SIRT1: variants seen among roughly 807,000 people sequenced by gnomAD.
The protein encoded by SIRT1 is NAD-dependent protein deacetylase sirtuin-1.
SIRT1 carries 24 observed loss-of-function variants against 67.9 expected under a neutral mutation model. That is an observed-to-expected ratio of 0.35 (90% CI 0.26 to 0.50). The LOEUF is 0.50. Among genes scored for constraint, SIRT1 ranks in the 20% least tolerant of loss-of-function variants. SIRT1 has a pLI of 0.98. For missense variants in SIRT1, 873 were observed against 937.2 expected (o/e 0.93, Z 0.89); for synonymous variants, 378 against 350.7 (o/e 1.08, Z -0.87).
chr10:67,901,854 A>T (rs943224543), intron 4 of SIRT1, among the ~76,000 whole-genome samples: 1 of 152,260 alleles, frequency 6.6e-6, no homozygotes, highest in African/African-American at 2.4e-5. Flanking sequence ...GTGGTGTACA[A>T]CATGATGTTT....
Position 67,889,214 on chromosome 10 carries a change from T to C in SIRT1, c.789+91T>C. 3 of 1,389,678 alleles carry C rather than the reference T, an allele frequency of 2.2e-6. 1 individual carries two copies. The African/African-American group carries it at 4.3e-5, about 20-fold the overall frequency. The allele number at this position is 1,389,678 out of a possible 1,614,324, so 86.1% of individuals were successfully genotyped here. A position where few individuals can be genotyped will look rare whatever the true frequency, so the allele number is the denominator to read the frequency against. The stretch of plus-strand genomic sequence containing the variant: ...CATTTTTCTGGTTTAGAAGGATTTA[T>C]CCTTACATGATAATGGATGTTTGGG... On this transcript the variant is annotated intron_variant, in intron 3 of 8. Coordinates refer to ENST00000212015, the MANE Select transcript of SIRT1 (RefSeq NM_012238.5).
chr10:67,889,315 T>C (rs1319842924), intron 3 of SIRT1, among the ~76,000 whole-genome samples, 192 bp downstream of exon 3: 1 of 152,214 alleles, frequency 6.6e-6, no homozygotes, highest in Non-Finnish European at 1.5e-5. Context: ...CTTAAAAAAA[T>C]ATTTGCTTCT....
At chr10:67,915,938 A>G (rs2029898082) in intron 8 of SIRT1, among the ~76,000 whole-genome samples, 1 of 152,214 alleles carries the variant, frequency 6.6e-6, no homozygotes, top group African/African-American at 2.4e-5. Context: ...CAAAGATACA[A>G]TAAATGGCAG....
intron 4 of SIRT1, among the ~76,000 whole-genome samples, chr10:67,896,408 T>A (rs949299269): frequency 1.3e-5 from 2 of 152,180 alleles, no homozygotes; most frequent in Admixed American, 1.3e-4. Context: ...CCTTACAGAG[T>A]GTCGGGATTG....
At position 67,912,795 on chromosome 10, in the gene SIRT1, C is replaced by G. The variant is rs762955289; in HGVS notation, c.1679C>G (p.Ala560Gly). 2.5e-6 allele frequency: 4 copies of G among 1,613,998 alleles called. No individual in the cohort carries two copies. The highest frequency in any genetic ancestry group is 3.3e-5 in the Admixed American group (2 of 60,002). Residue 560 changes from alanine (A) to glycine (G), a missense_variant, in exon 8 of 9, where the codon GCT becomes GGT. Around this residue, in one of 3 missense-constraint regions of SIRT1, gnomAD observed 295 missense variants for 294.5 expected, o/e 1.00. Transcript: ENST00000212015. ...ATTGTCACACTTTTAGACCAAGCAG[C>G]TAAGAGTAATGATGATTTAGATGTG... ...SVIVTLLDQA[A>G]KSNDDLDVSE... is the part of the protein sequence containing the mutation.
In SIRT1 at chr10:67,885,443, CCT is replaced by C. The variant is rs1842461647; in HGVS notation, c.430+295_430+296del. 5.1e-6 allele frequency: 6 copies of C among 1,187,958 alleles called. No individual in the cohort carries two copies. The African/African-American group carries it at 6.3e-5, about 12-fold the overall frequency. The allele number at this position is 1,187,958 out of a possible 1,614,324, so 73.6% of individuals were successfully genotyped here. On this transcript the variant is annotated intron_variant, in intron 1 of 8. Transcript: ENST00000212015. The stretch of plus-strand genomic sequence containing the variant: ...TCGCTTTAAAATAAGTTTCTCTCCC[CCT>C]CTTACTCTTTTAGCATATTGCTTTT...
chr10:67,913,332 CAT>C (rs1271728541), intron 8 of SIRT1, among the ~76,000 whole-genome samples: 1 of 152,148 alleles, frequency 6.6e-6, no homozygotes, highest in Admixed American at 6.6e-5. Flanking sequence ...AGCTGCTTTA[CAT>C]ATGTTACCTG....
chr10:67,904,123 GTTTGTTTTTTTTTTT>G (rs939413718), intron 4 of SIRT1, among the ~76,000 whole-genome samples: 64 of 115,434 alleles, frequency 5.5e-4, no homozygotes, highest in Non-Finnish European at 9.6e-4. Flanking sequence ...AGTTTTTTTT[GTTTGTTTTTTTTTTT>G]TTTTTTTTTA....
chr10:67,910,227 T>G (rs2131885791), intron 7 of SIRT1, among the ~76,000 whole-genome samples: 1 of 152,116 alleles, frequency 6.6e-6, no homozygotes, highest in Admixed American at 6.5e-5. Context: ...ATACAAAAAT[T>G]AGCTGGGCAT....
chr10:67,896,448 G>A (rs1421002921), intron 4 of SIRT1, among the ~76,000 whole-genome samples: 1 of 152,158 alleles, frequency 6.6e-6, no homozygotes, highest in African/African-American at 2.4e-5. Context: ...CCGGCCTTGG[G>A]CTGATATTTA....
intron 8 of SIRT1, among the ~76,000 whole-genome samples, chr10:67,913,768 A>G (rs928962628): frequency 6.6e-5 from 10 of 152,250 alleles, no homozygotes; most frequent in Non-Finnish European, 1.3e-4. Flanking sequence ...ACAGTCTTAT[A>G]TAACTTAGAA....
chr10:67,885,528 C>T (rs930355935), intron 1 of SIRT1: 11 of 588,688 alleles, frequency 1.9e-5, no homozygotes, highest in Non-Finnish European at 2.2e-5. Context: ...TTCTCCTCTA[C>T]CCCCCAGCAC....
intron 3 of SIRT1, among the ~76,000 whole-genome samples, chr10:67,890,988 C>T (rs2131851698): frequency 6.7e-6 from 1 of 148,304 alleles, no homozygotes; most frequent in African/African-American, 2.5e-5. Flanking sequence ...CGAGATCGCA[C>T]CACTGCACTC....
intron 4 of SIRT1, among the ~76,000 whole-genome samples, chr10:67,897,936 T>C (rs935543212): frequency 6.7e-6 from 1 of 149,064 alleles, no homozygotes; most frequent in African/African-American, 2.5e-5. Flanking sequence ...TGAATTAGGA[T>C]GTATAAAATA....
chr10:67,912,699 C>T lies in SIRT1; in HGVS notation c.1583C>T (p.Pro528Leu), dbSNP rs770755510. ...GAATTGGCTTATTTGTCAGAGTTGC[C>T]ACCCACACCTCTTCATGTTTCAGAA... Reference protein sequence around the residue: ...QKELAYLSELPPTPLHVSEDS... With the variant: ...QKELAYLSELLPTPLHVSEDS... Residue 528 changes from proline (P) to leucine (L), a missense_variant, in exon 8 of 9, where the codon CCA becomes CTA. Coordinates refer to ENST00000212015, the MANE Select transcript of SIRT1 (RefSeq NM_012238.5). The T allele has an allele frequency of 4.3e-6, 7 of 1,614,078 alleles. No individual in the cohort carries two copies. In the South Asian group the frequency reaches 7.7e-5, roughly 18 times the overall value.
chr10:67,902,887 G>C (rs1318604536), intron 4 of SIRT1, among the ~76,000 whole-genome samples: 1 of 152,128 alleles, frequency 6.6e-6, no homozygotes, highest in Admixed American at 6.6e-5. Context: ...CTGAGGTCTG[G>C]AGTTTGAGAC....
At position 67,895,498 on chromosome 10, in the gene SIRT1, A is replaced by G. The variant is rs10997864; in HGVS notation, c.942+3944A>G. Reference sequence around the variant, plus strand: ...TTTCTAAATATTACAAGAATAGAATATTCATAGGATAACCTAAGCTTTTCT... The same window carrying G: ...TTTCTAAATATTACAAGAATAGAATGTTCATAGGATAACCTAAGCTTTTCT... On this transcript the variant is annotated intron_variant, in intron 4 of 8. Transcript: ENST00000212015. Among the ~76,000 whole-genome samples, 1,512 of 152,300 alleles carry G rather than the reference A, an allele frequency of 9.9e-3. 11 individuals carry two copies. Among genetic ancestry groups the G allele is most frequent in the Non-Finnish European group, 0.016 (1,104 of 68,024 alleles).
intron 4 of SIRT1, among the ~76,000 whole-genome samples, chr10:67,900,933 C>A (rs910210588): frequency 1.3e-5 from 2 of 152,022 alleles, no homozygotes; most frequent in East Asian, 3.8e-4. Context: ...AATAGTTGTA[C>A]GTGTACATTA....
At chr10:67,904,273 A>G in intron 4 of SIRT1, among the ~76,000 whole-genome samples, 1 of 151,672 alleles carries the variant, frequency 6.6e-6, no homozygotes, top group East Asian at 1.9e-4. Flanking sequence ...GACTACAGGC[A>G]TGAACCGTGA....
Sources: gnomAD v4.1 joint callset for allele counts (sites outside exome capture counted in the v4.1 genomes callset) on GRCh38, gnomAD v4.1.1 for gene constraint, gnomAD v4.1.1 regional missense constraint, MANE v1.5 for transcripts, NCBI Gene and HGNC (gene_info 2026-07-23, HGNC 2026-07-21) for gene names.